NOMO1: variants seen among roughly 807,000 people sequenced by gnomAD.
NOMO1 encodes the protein nodal modulator 3.
NOMO1 carries 40 observed loss-of-function variants against 133.8 expected under a neutral mutation model. That is an observed-to-expected ratio of 0.30 (90% CI 0.23 to 0.39). The LOEUF is 0.39. Among genes scored for constraint, NOMO1 ranks in the 10% least tolerant of loss-of-function variants. NOMO1 has a pLI of 1.00. For synonymous variants in NOMO1, 236 were observed against 570.5 expected, an observed-to-expected ratio of 0.41 and a Z score of 8.36; for missense variants, 462 against 1,419.9, an observed-to-expected ratio of 0.33 and a Z score of 10.84.
At chr16:14,878,222 G>A (rs1233427292) in intron 22 of NOMO1, among the ~76,000 whole-genome samples, 2 of 132,050 alleles carry the variant, frequency 1.5e-5, no homozygotes, top group African/African-American at 5.7e-5. Flanking sequence ...GGCGGGGCAC[G>A]GTGGCTCATG....
intron 11 of NOMO1, among the ~76,000 whole-genome samples, chr16:14,858,509 TAGA>T: frequency 6.6e-6 from 1 of 151,484 alleles, no homozygotes; most frequent in Admixed American, 6.6e-5. Flanking sequence ...AACAGTAGCT[TAGA>T]AGGAGACTGC....
intron 29 of NOMO1, among the ~76,000 whole-genome samples, chr16:14,889,481 A>G (rs1309052346): frequency 6.6e-6 from 1 of 152,110 alleles, no homozygotes; most frequent in Non-Finnish European, 1.5e-5. Flanking sequence ...TCGATGAGCC[A>G]TGATCATGCC....
At chr16:14,864,497 G>C in intron 12 of NOMO1, 88 bp from the exon 13 acceptor site, 12 of 1,526,056 alleles carry the variant, frequency 7.9e-6, no homozygotes, top group Non-Finnish European at 1.1e-5. Context: ...CTTTAGCCTT[G>C]GTCCCAGATG....
intron 18 of NOMO1, 34 bp from the exon 19 acceptor site, chr16:14,875,002 C>T (rs11863419): frequency 0.11 from 171,646 of 1,613,428 alleles, 10,469 homozygotes; most frequent in East Asian, 0.16. Flanking sequence ...CACAAGGATA[C>T]GCAACTATGT....
intron 27 of NOMO1, among the ~76,000 whole-genome samples, chr16:14,885,795 TC>T (rs1346734798): frequency 1.3e-5 from 2 of 151,856 alleles, no homozygotes; most frequent in Non-Finnish European, 2.9e-5. Flanking sequence ...AGGGTTGGTG[TC>T]ACTTCCCAGT....
In NOMO1 at chr16:14,895,515, T is replaced by C. The variant is rs765693934; in HGVS notation, c.3539T>C (p.Leu1180Pro). 1.2e-6 allele frequency: 2 copies of C among 1,611,892 alleles called. No individual in the cohort carries two copies. The highest frequency in any genetic ancestry group is 2.2e-5 in the South Asian group (2 of 90,976). ...VLLAGYNHDK[L>P]IPLLLQLTSR... ...TCTCACACTTTCTCTCTTTTCTAGC[T>C]CATTCCTTTGCTGCTGCAGTTGACA... Residue 1180 changes from leucine to proline, a missense_variant and splice_region_variant, in exon 31 of 31, where the codon CTC becomes CCC. By Grantham distance (98) the Leu-to-Pro change is moderately conservative. Transcript: ENST00000287667.
chr16:14,894,652 G>C (rs1297541199), intron 29 of NOMO1, among the ~76,000 whole-genome samples: 1 of 148,198 alleles, frequency 6.7e-6, no homozygotes, highest in African/African-American at 2.5e-5. Flanking sequence ...AACAAACTGA[G>C]ACCCAGTTGC....
intron 16 of NOMO1, among the ~76,000 whole-genome samples, chr16:14,870,381 C>T (rs968641803): frequency 3.8e-4 from 57 of 151,780 alleles, no homozygotes; most frequent in African/African-American, 1.3e-3. Flanking sequence ...CATTTCCTTG[C>T]GCCCTCTCCT....
chr16:14,855,776 G>A (rs1963825032), intron 9 of NOMO1, among the ~76,000 whole-genome samples: 1 of 152,030 alleles, frequency 6.6e-6, no homozygotes, highest in South Asian at 2.1e-4. Context: ...GTTCCCTGAG[G>A]TCAGGTACCG....
At chr16:14,860,948 G>A (rs552063261) in intron 11 of NOMO1, among the ~76,000 whole-genome samples, 3 of 147,750 alleles carry the variant, frequency 2.0e-5, no homozygotes, top group South Asian at 2.2e-4. Flanking sequence ...TCCGCCTCTC[G>A]GGTTCAAGTG....
At chr16:14,873,678 C>A in intron 18 of NOMO1, among the ~76,000 whole-genome samples, 1 of 151,670 alleles carries the variant, frequency 6.6e-6, no homozygotes, top group Non-Finnish European at 1.5e-5. Context: ...ATATTACCTC[C>A]TTTCAGCTTG....
At chr16:14,871,414 C>G (rs561189341) in intron 16 of NOMO1, among the ~76,000 whole-genome samples, 22 of 152,180 alleles carry the variant, frequency 1.4e-4, no homozygotes, top group Non-Finnish European at 1.9e-4. Flanking sequence ...CCTGTGATCG[C>G]GCCATTGCAT....
chr16:14,882,492 A>G (rs1964257347), intron 25 of NOMO1, 102 bp from the exon 26 acceptor site: 1 of 1,429,460 alleles, frequency 7.0e-7, no homozygotes, highest in East Asian at 2.3e-5. Flanking sequence ...GGGGAGAGAA[A>G]TGCTCCTGTC....
chr16:14,884,591 G>A, intron 27 of NOMO1, 109 bp downstream of exon 27: 2 of 1,551,772 alleles, frequency 1.3e-6, no homozygotes, highest in Non-Finnish European at 8.8e-7. Context: ...GGTGTGACAG[G>A]TGGAGGTGCT....
At chr16:14,851,294 G>A (rs1402571316) in intron 6 of NOMO1, among the ~76,000 whole-genome samples, 2 of 151,874 alleles carry the variant, frequency 1.3e-5, no homozygotes. Context: ...CAAGTGTGAG[G>A]GCACTTCTGG....
chr16:14,841,901 C>T (rs1349223549), intron 3 of NOMO1, among the ~76,000 whole-genome samples: 6 of 151,718 alleles, frequency 4.0e-5, no homozygotes, highest in East Asian at 3.9e-4. Context: ...TTACTTCCCC[C>T]GTGTCAGCCT....
chr16:14,895,585 C>T lies in NOMO1; in HGVS notation c.3609C>T (p.Asp1203=), dbSNP rs776163553. ...GCGCGCTCGGCCAGGCAGCCTCTGA[C>T]AATAGCGGCCCAGAAGATGCAAAGA... is the stretch of plus-strand genomic sequence containing the variant. ...GVRALGQAAS[D]NSGPEDAKRQ... is the part of the protein sequence containing the mutation. The change falls in exon 31 of 31, where the codon GAC becomes GAT. Residue 1203 remains aspartate (D), a synonymous_variant. Transcript: ENST00000287667. 1 of 1,611,930 alleles carries T rather than the reference C, an allele frequency of 6.2e-7. No homozygotes were observed. The highest frequency in any genetic ancestry group is 1.3e-5 in the African/African-American group (1 of 74,830).
Position 14,857,633 on chromosome 16 carries a change from C to G in NOMO1, c.1198C>G (p.Leu400Val). The part of the protein sequence containing the change: ...TIKIAPNTPQ[L>V]ADIIATGFSV... Reference sequence around the variant, plus strand: ...CAAAATTGCACCGAACACACCTCAGCTGGCTGACATTATTGCAACAGGGTA... The same window carrying G: ...CAAAATTGCACCGAACACACCTCAGGTGGCTGACATTATTGCAACAGGGTA... The change falls in exon 11 of 31, where the codon CTG becomes GTG. Residue 400 changes from leucine (L) to valine (V), a missense_variant. By Grantham distance (32) the Leu-to-Val change is conservative (BLOSUM62 1). Coordinates refer to ENST00000287667, the MANE Select transcript of NOMO1 (RefSeq NM_014287.4). 6.2e-7 allele frequency: 1 copy of G among 1,613,672 alleles called. No individual in the cohort carries two copies.
chr16:14,873,791 C>T lies in NOMO1; in HGVS notation c.2055-1245C>T, dbSNP rs534085193. Among the ~76,000 whole-genome samples, 14 of 151,744 alleles carry T rather than the reference C, an allele frequency of 9.2e-5. 1 individual carries two copies. In the South Asian group the frequency reaches 2.9e-3, roughly 32 times the overall value. On this transcript the variant is annotated intron_variant, in intron 18 of 30. Coordinates refer to ENST00000287667, the MANE Select transcript of NOMO1 (RefSeq NM_014287.4). ...CAGCTAGACAGAGCCACTCGGATTC[C>T]CCCTGGGGATCTTGTACTCAGCAGA...
Sources: allele counts gnomAD v4.1 joint callset (sites outside exome capture counted in the v4.1 genomes callset), GRCh38; gene constraint gnomAD v4.1.1; transcripts MANE v1.5; gene names NCBI Gene and HGNC (gene_info 2026-07-23, HGNC 2026-07-21).